Variants in IL1RAPL1 observed in about 807,000 individuals in gnomAD.
IL1RAPL1 encodes the protein interleukin-1 receptor accessory protein-like 1.
IL1RAPL1 carries 3 observed loss-of-function variants against 48.4 expected under a neutral mutation model. The ratio of observed to expected loss-of-function variants is 0.06; its 90% CI spans 0.03 to 0.16. The LOEUF (loss-of-function observed/expected upper bound fraction) is 0.16, where lower values mean the gene tolerates loss of function less well. Ranked by LOEUF, IL1RAPL1 falls within the 10% of genes least tolerant of loss-of-function variation. The probability of loss-of-function intolerance (pLI) is 1.00; values close to 1 mark genes in which losing one functional copy is unlikely to be tolerated. For synonymous variants in IL1RAPL1, 185 were observed against 187.7 expected (o/e 0.99, Z 0.12); for missense variants, 349 against 530.6 (o/e 0.66, Z 3.36).
chrX:29,040,270 C>T lies in IL1RAPL1; in HGVS notation c.83-242668C>T, dbSNP rs192273512. On this transcript the variant is annotated intron_variant, in intron 2 of 10. Transcript: ENST00000378993. Reference sequence around the variant, plus strand: ...TGCATGGGGAAAAAAGTGGTCGGCTCAGTGAATGGGTGACAGGCAAGCAGC... The same window carrying T: ...TGCATGGGGAAAAAAGTGGTCGGCTTAGTGAATGGGTGACAGGCAAGCAGC... Among the ~76,000 whole-genome samples, 3 of 112,230 alleles carry T rather than the reference C, an allele frequency of 2.7e-5. No homozygotes were observed. The East Asian group carries it at 8.4e-4, about 32-fold the overall frequency.
intron 1 of IL1RAPL1, among the ~76,000 whole-genome samples, chrX:28,695,455 C>A (rs1006178168): frequency 1.8e-5 from 2 of 111,612 alleles, no homozygotes; most frequent in Non-Finnish European, 1.9e-5. Flanking sequence ...ATACAAAAAT[C>A]TATATCCTCA....
chrX:29,144,833 TCTC>T (rs1255437749), intron 2 of IL1RAPL1, among the ~76,000 whole-genome samples: 4 of 106,121 alleles, frequency 3.8e-5, no homozygotes, highest in Non-Finnish European at 7.7e-5. Context: ...TTCAAGGAAT[TCTC>T]CTGCCTCAGC....
intron 6 of IL1RAPL1, among the ~76,000 whole-genome samples, chrX:29,792,280 T>C (rs146479048): frequency 6.5e-4 from 73 of 111,635 alleles, no homozygotes; most frequent in Non-Finnish European, 1.3e-3. Flanking sequence ...ATTTCAAGGG[T>C]TTTGGGAAGC....
intron 8 of IL1RAPL1, among the ~76,000 whole-genome samples, chrX:29,929,947 G>A (rs1468147956): frequency 9.0e-6 from 1 of 111,564 alleles, no homozygotes; most frequent in African/African-American, 3.3e-5. Context: ...ATACATTAAA[G>A]ATACCGCAAT....
intron 2 of IL1RAPL1, among the ~76,000 whole-genome samples, chrX:28,973,605 C>T (rs763911432): frequency 1.8e-5 from 2 of 111,812 alleles, no homozygotes; most frequent in South Asian, 3.8e-4. Context: ...GCTGGACTCA[C>T]GGTTCTTCTT....
intron 1 of IL1RAPL1, among the ~76,000 whole-genome samples, chrX:28,740,996 A>G (rs772156640): frequency 8.9e-6 from 1 of 112,295 alleles, no homozygotes; most frequent in East Asian, 2.8e-4. Context: ...TCTGTCGTCC[A>G]CAATGATGGA....
At chrX:29,532,233 C>G (rs1921067609) in intron 5 of IL1RAPL1, among the ~76,000 whole-genome samples, 2 of 112,079 alleles carry the variant, frequency 1.8e-5, no homozygotes, top group African/African-American at 6.5e-5. Flanking sequence ...CTCCTCCTCT[C>G]TCTCTGACAA....
intron 3 of IL1RAPL1, among the ~76,000 whole-genome samples, chrX:29,371,841 T>C (rs150376038): frequency 8.9e-6 from 1 of 112,306 alleles, no homozygotes; most frequent in Non-Finnish European, 1.9e-5. Context: ...CAATCCACCA[T>C]TGATGGGCAC....
chrX:29,346,768 C>G (rs1933155633), intron 3 of IL1RAPL1, among the ~76,000 whole-genome samples: 1 of 112,316 alleles, frequency 8.9e-6, no homozygotes, highest in Non-Finnish European at 1.9e-5. Context: ...TCAGGGTACA[C>G]TAAATCCTCA....
At chrX:29,579,641 A>G (rs1440255082) in intron 5 of IL1RAPL1, among the ~76,000 whole-genome samples, 1 of 112,160 alleles carries the variant, frequency 8.9e-6, no homozygotes. Context: ...CGATTTTTCT[A>G]CTTCTTAGTT....
chrX:29,084,679 A>G (rs1055144724), intron 2 of IL1RAPL1, among the ~76,000 whole-genome samples: 6 of 112,036 alleles, frequency 5.4e-5, no homozygotes, highest in Non-Finnish European at 1.1e-4. Flanking sequence ...TGGTATTCCA[A>G]AAAAAGTACG....
intron 2 of IL1RAPL1, among the ~76,000 whole-genome samples, chrX:29,188,772 A>C (rs1392800307): frequency 9.2e-6 from 1 of 108,564 alleles, no homozygotes; most frequent in Admixed American, 1.0e-4. Flanking sequence ...TTTTTAGTAG[A>C]GATAGGGTTT....
chrX:29,759,419 C>A (rs967402678), intron 6 of IL1RAPL1, among the ~76,000 whole-genome samples: 1 of 100,139 alleles, frequency 1.0e-5, no homozygotes, highest in Admixed American at 1.2e-4. Flanking sequence ...TTCATCTGTA[C>A]CATAGTTCTT....
At chrX:29,803,194 T>C (rs185713386) in intron 6 of IL1RAPL1, among the ~76,000 whole-genome samples, 2 of 30,800 alleles carry the variant, frequency 6.5e-5, no homozygotes, top group African/African-American at 2.9e-4. Context: ...TATATATGTA[T>C]ACATATACAC....
At chrX:29,158,933 C>CCT (rs1929623435) in intron 2 of IL1RAPL1, among the ~76,000 whole-genome samples, 1 of 40,557 alleles carries the variant, frequency 2.5e-5, no homozygotes, top group African/African-American at 1.1e-4. Context: ...TCTCTCTCTC[C>CCT]CCCCCCCTCC....
intron 2 of IL1RAPL1, among the ~76,000 whole-genome samples, chrX:29,192,753 C>T (rs1930375300): frequency 9.0e-6 from 1 of 111,582 alleles, no homozygotes; most frequent in South Asian, 3.7e-4. Context: ...ATATATGTAG[C>T]AATCTATTTT....
chrX:28,945,030 G>A (rs1424945005), intron 2 of IL1RAPL1, among the ~76,000 whole-genome samples: 1 of 110,821 alleles, frequency 9.0e-6, no homozygotes, highest in East Asian at 2.8e-4. Context: ...TTCATTTTAT[G>A]CAAATCAAAA....
At chrX:29,101,532 A>G (rs1239887035) in intron 2 of IL1RAPL1, among the ~76,000 whole-genome samples, 2 of 112,017 alleles carry the variant, frequency 1.8e-5, no homozygotes, top group African/African-American at 3.2e-5. Context: ...CACCGAAACC[A>G]GACAAAGACA....
chrX:29,921,769 C>T (rs1932849871), intron 8 of IL1RAPL1, among the ~76,000 whole-genome samples: 1 of 111,922 alleles, frequency 8.9e-6, no homozygotes, highest in Admixed American at 9.5e-5. Flanking sequence ...ATTTCACTTT[C>T]ACTGTCTATC....
Sources: allele counts gnomAD v4.1 joint callset (sites outside exome capture counted in the v4.1 genomes callset), GRCh38; gene constraint gnomAD v4.1.1; transcripts MANE v1.5; gene names NCBI Gene and HGNC (gene_info 2026-07-23, HGNC 2026-07-21).